PTGES: variants seen among roughly 807,000 people sequenced by gnomAD.
PTGES encodes the protein MGST1-like 1.
A neutral mutation model predicts 11.8 loss-of-function variants in PTGES; 3 were observed. The observed-to-expected ratio is 0.25, with a 90% CI of 0.12 to 0.66. The LOEUF (loss-of-function observed/expected upper bound fraction) is 0.66, where lower values mean the gene tolerates loss of function less well. PTGES is among the 30% of genes least tolerant of loss of function. The probability of loss-of-function intolerance (pLI) is 0.82; values close to 1 mark genes in which losing one functional copy is unlikely to be tolerated. For missense variants in PTGES, 180 were observed against 213.0 expected (o/e 0.85, Z 0.96); for synonymous variants, 94 against 90.4 (o/e 1.04, Z -0.22).
intron 2 of PTGES, among the ~76,000 whole-genome samples, chr9:129,743,909 C>T (rs190477141): frequency 2.4e-4 from 37 of 152,202 alleles, no homozygotes; most frequent in African/African-American, 8.7e-4. Flanking sequence ...AGTGCAGTGG[C>T]GTGATCTCGG....
chr9:129,739,488 G>C lies in PTGES; in HGVS notation c.*123C>G, dbSNP rs1486935408. The C allele has an allele frequency of 7.3e-7, 1 of 1,376,140 alleles. No homozygotes were observed. Among genetic ancestry groups the C allele is most frequent in the Admixed American group, 2.5e-5 (1 of 39,284 alleles). 85.2% of individuals were successfully genotyped at this position (1,376,140 alleles called of 1,614,324 possible). ...CTGTGCCCAGAGACCCACACGCGCA[G>C]CAGGCTGCCAGGAAACCAGGACTCA... On this transcript the variant is annotated 3_prime_UTR_variant, in exon 3 of 3. Transcript: ENST00000340607. This position sits in a 1 kb window ranked among gnomAD's most constrained non-coding sequence, Gnocchi z 5.7.
rs778478612 is a variant in PTGES, at chr9:129,752,884, T to C, written c.126+3A>G. ...GGCCGGGGACCCCCAGGGAGGCACA[T>C]ACCTTCTTCCGCAGCCTCACTTGGC... On this transcript the variant is annotated splice_donor_region_variant and intron_variant, in intron 1 of 2. Coordinates refer to ENST00000340607, the MANE Select transcript of PTGES (RefSeq NM_004878.5). 1 of 1,613,970 alleles carries C rather than the reference T, an allele frequency of 6.2e-7. No homozygotes were observed. The highest frequency in any genetic ancestry group is 1.1e-5 in the South Asian group (1 of 91,092).
chr9:129,750,631 G>A (rs1378737768), intron 1 of PTGES, among the ~76,000 whole-genome samples: 1 of 152,208 alleles, frequency 6.6e-6, no homozygotes, highest in African/African-American at 2.4e-5. Context: ...CTGGGGTGGA[G>A]GCCAGCCTTT....
In PTGES at chr9:129,752,999, C is replaced by T. The variant is rs146562511; in HGVS notation, c.14G>A (p.Ser5Asn). Residue 5 changes from serine to asparagine, a missense_variant, in exon 1 of 3, where the codon AGC (serine) becomes AAC (asparagine). Coordinates refer to ENST00000340607, the MANE Select transcript of PTGES (RefSeq NM_004878.5). ...GAGGGCCGGGCTGCTCATCACCAGG[C>T]TGTGGGCAGGCATCTCTGGCCAGCG... MPAH[S>N]LVMSSPALPA... 4.8e-4 allele frequency: 767 copies of T among 1,606,598 alleles called. 6 individuals carry two copies. In the African/African-American group the frequency reaches 9.2e-3, roughly 19 times the overall value.
intron 2 of PTGES, among the ~76,000 whole-genome samples, chr9:129,742,895 A>G (rs1238121509): frequency 6.6e-6 from 1 of 152,156 alleles, no homozygotes; most frequent in Non-Finnish European, 1.5e-5. Flanking sequence ...GAGTAAGTCA[A>G]TGTTTGGAAA....
At chr9:129,742,387 A>G (rs1230241546) in intron 2 of PTGES, among the ~76,000 whole-genome samples, 7 of 151,850 alleles carry the variant, frequency 4.6e-5, no homozygotes, top group African/African-American at 1.5e-4. Context: ...TCCTCTGGCA[A>G]TTGAGCTGTG....
chr9:129,744,296 C>T (rs1265407876), intron 2 of PTGES, among the ~76,000 whole-genome samples: 1 of 152,178 alleles, frequency 6.6e-6, no homozygotes, highest in African/African-American at 2.4e-5. Flanking sequence ...GAATCAAAAG[C>T]ACGTTATGGG....
chr9:129,743,783 GC>G (rs995916240), intron 2 of PTGES, among the ~76,000 whole-genome samples: 1 of 152,220 alleles, frequency 6.6e-6, no homozygotes, highest in Non-Finnish European at 1.5e-5. Flanking sequence ...AGAGTGCCAG[GC>G]CCCTCCTCAG....
chr9:129,747,361 G>T (rs776745735), intron 2 of PTGES, among the ~76,000 whole-genome samples: 2 of 152,210 alleles, frequency 1.3e-5, no homozygotes, highest in Non-Finnish European at 2.9e-5. Flanking sequence ...TGTGAACTGT[G>T]ATTAGAACTG....
chr9:129,752,870 C>A lies in PTGES; in HGVS notation c.126+17G>T, dbSNP rs75774469. The A allele has an allele frequency of 6.6e-3, 10,639 of 1,613,918 alleles. 60 individuals are homozygous for A. Among genetic ancestry groups the A allele is most frequent in the Non-Finnish European group, 7.7e-3 (9,088 of 1,180,028 alleles). On this transcript the variant is annotated intron_variant, in intron 1 of 2. Transcript: ENST00000340607. The stretch of plus-strand genomic sequence containing the variant: ...GCAAGTATGACCCAGGCCGGGGACC[C>A]CCAGGGAGGCACATACCTTCTTCCG...
At position 129,748,558 on chromosome 9, in the gene PTGES, GC is replaced by G; in HGVS notation, c.209+96del. The stretch of plus-strand genomic sequence containing the variant: ...AAGATCAGGAACACAGAAAACCTCA[GC>G]CCCTGGGAGTCCTCCAAGTCCCCTG... On this transcript the variant is annotated intron_variant, in intron 2 of 2. Transcript: ENST00000340607. The G allele has an allele frequency of 4.3e-6, 4 of 933,130 alleles. No individual in the cohort carries two copies. The South Asian group carries it at 7.9e-5, about 18-fold the overall frequency. 57.8% of individuals were successfully genotyped at this position (933,130 alleles called of 1,614,324 possible). A position where few individuals can be genotyped will look rare whatever the true frequency, so the allele number is the denominator to read the frequency against.
chr9:129,746,274 G>A (rs759431721), intron 2 of PTGES, among the ~76,000 whole-genome samples: 4 of 152,126 alleles, frequency 2.6e-5, no homozygotes, highest in African/African-American at 2.4e-5. Flanking sequence ...GCAACCCACC[G>A]TCCTGGCCTC....
chr9:129,739,677 G>T lies in PTGES; in HGVS notation c.393C>A (p.Thr131=). 6.4e-7 allele frequency: 1 copy of T among 1,562,040 alleles called. No homozygotes were observed. The highest frequency in any genetic ancestry group is 8.7e-7 in the Non-Finnish European group (1 of 1,153,000). ...LRAPIRSVTY[T]LAQLPCASMA... ...TGGAGGCGCAGGGGAGCTGGGCCAG[G>T]GTGTAGGTCACGGAGCGGATGGGTG... Residue 131 remains threonine, a synonymous_variant, in exon 3 of 3, where the codon ACC becomes ACA. Coordinates refer to ENST00000340607, the MANE Select transcript of PTGES (RefSeq NM_004878.5). This position sits in a 1 kb window ranked among gnomAD's most constrained non-coding sequence, Gnocchi z 5.7.
At chr9:129,746,294 G>C (rs1032656722) in intron 2 of PTGES, among the ~76,000 whole-genome samples, 2 of 152,102 alleles carry the variant, frequency 1.3e-5, no homozygotes, top group Non-Finnish European at 2.9e-5. Context: ...CCTGCTGCCT[G>C]GACAGCTCAT....
chr9:129,749,995 G>A (rs1833087690), intron 1 of PTGES, among the ~76,000 whole-genome samples: 1 of 152,200 alleles, frequency 6.6e-6, no homozygotes, highest in Non-Finnish European at 1.5e-5. Context: ...GAAAACTCAG[G>A]AGAAATCACA....
Position 129,747,093 on chromosome 9 carries a change from A to T in PTGES, c.209+1562T>A, listed in dbSNP as rs1480766890. On this transcript the variant is annotated intron_variant, in intron 2 of 2. Coordinates refer to ENST00000340607, the MANE Select transcript of PTGES (RefSeq NM_004878.5). Reference sequence around the variant, plus strand: ...ATGCCCGGCTAATTTTTGTATCTTTAGTGGAGACAGGGTCTCGCCATGTTG... The same window carrying T: ...ATGCCCGGCTAATTTTTGTATCTTTTGTGGAGACAGGGTCTCGCCATGTTG... Among the ~76,000 whole-genome samples, 5 of 151,912 alleles carry T rather than the reference A, an allele frequency of 3.3e-5. No homozygotes were observed. The South Asian group carries it at 6.2e-4, about 19-fold the overall frequency.
intron 2 of PTGES, among the ~76,000 whole-genome samples, chr9:129,742,728 C>A (rs1005543297): frequency 7.2e-5 from 11 of 151,854 alleles, no homozygotes; most frequent in African/African-American, 2.4e-4. Context: ...AAAAATCAGT[C>A]AGGCGTGGTG....
At position 129,748,663 on chromosome 9, in the gene PTGES, G is replaced by A; in HGVS notation, c.201C>T (p.Arg67=). The A allele has an allele frequency of 6.3e-7, 1 of 1,576,702 alleles. No individual in the cohort carries two copies. Among genetic ancestry groups the A allele is most frequent in the East Asian group, 2.4e-5 (1 of 41,548 alleles). The part of the protein sequence containing the change: ...QYCRSDPDVE[R]CLRAHRNDME... The stretch of plus-strand genomic sequence containing the variant: ...GGGCCCGAAGTACTTGCCTGAGGCA[G>A]CGTTCCACGTCGGGGTCGCTCCTGC... The change falls in exon 2 of 3, where the codon CGC becomes CGT. Residue 67 remains arginine (R), a synonymous_variant. Transcript: ENST00000340607.
At chr9:129,743,060 A>T (rs560715483) in intron 2 of PTGES, among the ~76,000 whole-genome samples, 3 of 152,358 alleles carry the variant, frequency 2.0e-5, no homozygotes, top group African/African-American at 7.2e-5. Context: ...GCATGTCTGC[A>T]GGCTGGGGAG....
Sources: gnomAD v4.1 joint callset for allele counts (sites outside exome capture counted in the v4.1 genomes callset) on GRCh38, gnomAD v4.1.1 for gene constraint, Gnocchi (gnomAD v3.1) non-coding constraint, MANE v1.5 for transcripts, NCBI Gene and HGNC (gene_info 2026-07-23, HGNC 2026-07-21) for gene names.